Variants in FBXW10 observed in about 807,000 individuals in gnomAD.
The protein encoded by FBXW10 is F-box/WD repeat-containing protein 10.
FBXW10 carries 68 observed loss-of-function variants against 113.1 expected under a neutral mutation model. That is an observed-to-expected ratio of 0.60 (90% CI 0.49 to 0.74). The LOEUF is 0.74. Among genes scored for constraint, FBXW10 ranks in the 30% least tolerant of loss-of-function variants. The pLI, the probability that FBXW10 is intolerant of heterozygous loss-of-function variation, is 0.00. For missense variants in FBXW10, 753 were observed against 1,284.5 expected (o/e 0.59, Z 6.32); for synonymous variants, 289 against 481.6 (o/e 0.60, Z 5.24).
chr17:18,766,508 T>C (rs1229729959), intron 8 of FBXW10, among the ~76,000 whole-genome samples: 3 of 152,110 alleles, frequency 2.0e-5, no homozygotes, highest in Non-Finnish European at 4.4e-5. Context: ...ACCACCTGTA[T>C]TCAGGGCGCT....
At position 18,778,495 on chromosome 17, in the gene FBXW10, C is replaced by A. The variant is rs1479546859; in HGVS notation, c.2356C>A (p.Gln786Lys). The change falls in exon 14 of 14, where the codon CAA becomes AAA. Residue 786 changes from glutamine to lysine, a missense_variant. Transcript: ENST00000395665. ...RRDADDVEKA[Q>K]KQGQLETPGK... ...AAAAGCAGATGATGTGGAGAAAGCA[C>A]AAAAACAAGGACAATTGGAAACTCC... The A allele has an allele frequency of 1.9e-6, 3 of 1,613,284 alleles. No individual in the cohort carries two copies. Among genetic ancestry groups the A allele is most frequent in the East Asian group, 4.5e-5 (2 of 44,868 alleles).
rs372593430 is a variant in FBXW10, at chr17:18,759,335, A to G, written c.1433+830A>G. Among the ~76,000 whole-genome samples, 19 of 152,252 alleles carry G rather than the reference A, an allele frequency of 1.2e-4. 1 individual carries two copies. The East Asian group carries it at 3.7e-3, about 29-fold the overall frequency. ...GTAATATTATTCTAATTTTATACTA[A>G]TGATTCCCTTGCATTTCTTAATCAT... On this transcript the variant is annotated intron_variant, in intron 7 of 13. Transcript: ENST00000395665.
At position 18,772,489 on chromosome 17, in the gene FBXW10, C is replaced by T. The variant is rs150329747; in HGVS notation, c.2084C>T (p.Thr695Met). ...AAGTGGCAGTATGCCGTGGAAAAAA[C>T]GAAACAAAAGAAGAATAAGGAGAAA... Reference protein sequence around the residue: ...HIKWQYAVEKTKQKKNKEKEE... With the variant: ...HIKWQYAVEKMKQKKNKEKEE... The change falls in exon 12 of 14, where the codon ACG becomes ATG. Residue 695 changes from threonine to methionine, a missense_variant. By Grantham distance (81) the Thr-to-Met change is moderately conservative. Transcript: ENST00000395665. 8.5e-3 allele frequency: 13,773 copies of T among 1,613,646 alleles called. 74 individuals are homozygous for T. The highest frequency in any genetic ancestry group is 0.01 in the Non-Finnish European group (11,941 of 1,179,740).
chr17:18,765,891 TA>T (rs957943707), intron 8 of FBXW10, among the ~76,000 whole-genome samples: 1 of 150,472 alleles, frequency 6.6e-6, no homozygotes, highest in Non-Finnish European at 1.5e-5. Flanking sequence ...CACGCCCAGC[TA>T]ATTTTTTTTT....
At chr17:18,765,228 G>C (rs11657414) in intron 8 of FBXW10, among the ~76,000 whole-genome samples, 34,617 of 152,118 alleles carry the variant, frequency 0.23, 4,358 homozygotes, top group East Asian at 0.54. Context: ...AACAATGGCT[G>C]CCATTTACTG....
In FBXW10 at chr17:18,758,491, T is replaced by C. The variant is rs138093156; in HGVS notation, c.1419T>C (p.Tyr473=). The C allele has an allele frequency of 1.6e-5, 26 of 1,613,348 alleles. No homozygotes were observed. Among genetic ancestry groups the C allele is most frequent in the Non-Finnish European group, 1.9e-5 (22 of 1,179,784 alleles). Residue 473 remains tyrosine (Y), a synonymous_variant, in exon 7 of 14, where the codon TAT becomes TAC. Transcript: ENST00000395665. ...AAAACTTTCTCCTAAGCGGGAGCTATGACCTAAGTATCAGGTGAGGAGTCC... is the reference window on the plus strand; with the variant it reads ...AAAACTTTCTCCTAAGCGGGAGCTACGACCTAAGTATCAGGTGAGGAGTCC... ...EEENFLLSGS[Y]DLSIRYWDLK... is the part of the protein sequence containing the mutation.
chr17:18,754,335 T>A (rs548604656), intron 5 of FBXW10, among the ~76,000 whole-genome samples: 1 of 152,040 alleles, frequency 6.6e-6, no homozygotes, highest in African/African-American at 2.4e-5. Flanking sequence ...CAGGCTGGGA[T>A]ATGGAAAACT....
intron 6 of FBXW10, among the ~76,000 whole-genome samples, chr17:18,756,457 A>G (rs890134325): frequency 2.0e-5 from 3 of 152,162 alleles, no homozygotes; most frequent in Non-Finnish European, 4.4e-5. Context: ...TTAATTTTAG[A>G]AATAATATAC....
chr17:18,759,774 G>C (rs759117935), intron 7 of FBXW10, among the ~76,000 whole-genome samples: 2 of 150,720 alleles, frequency 1.3e-5, no homozygotes, highest in Non-Finnish European at 3.0e-5. Context: ...CACCACACCA[G>C]GCTATTTTTT....
chr17:18,754,157 G>A (rs997284976), intron 5 of FBXW10, among the ~76,000 whole-genome samples: 2 of 151,476 alleles, frequency 1.3e-5, no homozygotes, highest in African/African-American at 4.9e-5. Context: ...TGAGAAAGTG[G>A]CCGAGGTCTC....
chr17:18,751,335 C>G (rs924969333), intron 5 of FBXW10, among the ~76,000 whole-genome samples: 1 of 152,022 alleles, frequency 6.6e-6, no homozygotes, highest in Non-Finnish European at 1.5e-5. Context: ...ACGCCATTCT[C>G]CTGCCTCAGC....
chr17:18,759,750 C>A (rs1272147772), intron 7 of FBXW10, among the ~76,000 whole-genome samples: 1 of 151,964 alleles, frequency 6.6e-6, no homozygotes, highest in Non-Finnish European at 1.5e-5. Context: ...GTAGCTGAGA[C>A]TACAGGGGCC....
At chr17:18,775,106 A>G in intron 12 of FBXW10, 30 bp from the exon 13 acceptor site, 1 of 1,529,026 alleles carries the variant, frequency 6.5e-7, no homozygotes, top group Non-Finnish European at 9.1e-7. Context: ...GTATATAATG[A>G]CTACAGCTTC....
At chr17:18,766,935 C>G (rs2035509405) in intron 9 of FBXW10, 73 bp downstream of exon 9, 6 of 1,459,486 alleles carry the variant, frequency 4.1e-6, no homozygotes, top group Non-Finnish European at 5.7e-6. Flanking sequence ...CTACCTAGCT[C>G]CTCAGGTCAT....
At chr17:18,756,295 C>A in intron 6 of FBXW10, 141 bp downstream of exon 6, 2 of 735,762 alleles carry the variant, frequency 2.7e-6, no homozygotes, top group Non-Finnish European at 4.6e-6. Context: ...GCACATGATC[C>A]CATGTAGACA....
chr17:18,758,871 TA>T (rs2035324925), intron 7 of FBXW10, among the ~76,000 whole-genome samples: 1 of 151,594 alleles, frequency 6.6e-6, no homozygotes, highest in African/African-American at 2.4e-5. Flanking sequence ...AATAGTGCTT[TA>T]AAAACACATA....
chr17:18,755,207 G>T (rs1434212587), intron 5 of FBXW10, among the ~76,000 whole-genome samples: 2 of 151,592 alleles, frequency 1.3e-5, no homozygotes, highest in Non-Finnish European at 2.9e-5. Context: ...AGGTTGCAGT[G>T]AGCCAAGATC....
In FBXW10 at chr17:18,775,197, G is replaced by C; in HGVS notation, c.2335+5G>C. 1 of 1,597,304 alleles carries C rather than the reference G, an allele frequency of 6.3e-7. No individual in the cohort carries two copies. Among genetic ancestry groups the C allele is most frequent in the Admixed American group, 1.7e-5 (1 of 59,984 alleles). On this transcript the variant is annotated splice_donor_5th_base_variant and intron_variant, in intron 13 of 13. Coordinates refer to ENST00000395665, the MANE Select transcript of FBXW10 (RefSeq NM_001267585.2). Reference sequence around the variant, plus strand: ...CAAAATCACCCCGAAGAGATGGTAAGAAGAGAGTTTATTCTGTTCATAAGG... The same window carrying C: ...CAAAATCACCCCGAAGAGATGGTAACAAGAGAGTTTATTCTGTTCATAAGG...
intron 1 of FBXW10, among the ~76,000 whole-genome samples, chr17:18,747,287 G>A (rs2035056773): frequency 1.3e-5 from 2 of 152,214 alleles, no homozygotes; most frequent in African/African-American, 2.4e-5. Flanking sequence ...CTGGTTGGGC[G>A]CAGTGGCTCA....
Sources: allele counts gnomAD v4.1 joint callset (sites outside exome capture counted in the v4.1 genomes callset), GRCh38; gene constraint gnomAD v4.1.1; transcripts MANE v1.5; gene names NCBI Gene and HGNC (gene_info 2026-07-23, HGNC 2026-07-21).